Variants in RPS18 observed in about 807,000 individuals in gnomAD.
RPS18 encodes the protein ribosomal protein S18, also known as small ribosomal subunit protein uS13.
For synonymous variants in RPS18, 64 were observed against 70.9 expected (o/e 0.90, Z 0.49); for missense variants, 49 against 200.8 (o/e 0.24, Z 4.57).
intron 2 of RPS18, chr6:33,275,510 G>T (rs1765568925): frequency 4.8e-6 from 2 of 417,940 alleles, no homozygotes; most frequent in East Asian, 4.8e-5. Context: ...TAGAGACAGG[G>T]TTTCACCATG....
At chr6:33,272,331 C>T (rs1765257924) in intron 1 of RPS18, 2 of 637,630 alleles carry the variant, frequency 3.1e-6, no homozygotes, top group Admixed American at 2.8e-5. Context: ...CGAAAGCTGT[C>T]TAAGGCTTGG....
At chr6:33,273,980 CAG>C (rs1000874094) in intron 2 of RPS18, among the ~76,000 whole-genome samples, 1 of 152,238 alleles carries the variant, frequency 6.6e-6, no homozygotes, top group African/African-American at 2.4e-5. Flanking sequence ...TATCCCGAGA[CAG>C]AGTCTCACCC....
chr6:33,275,646 A>G, intron 2 of RPS18, 151 bp from the exon 3 acceptor site: 5 of 704,554 alleles, frequency 7.1e-6, no homozygotes, highest in Middle Eastern at 4.1e-4. Flanking sequence ...CGAACGGTTT[A>G]TATCTGGAAA....
intron 2 of RPS18, among the ~76,000 whole-genome samples, chr6:33,273,575 G>T (rs1238840112): frequency 6.6e-6 from 1 of 152,156 alleles, no homozygotes; most frequent in Admixed American, 6.5e-5. Context: ...AATTCCTTCT[G>T]TTGGGTGCTC....
chr6:33,272,478 T>C (rs1765275701), intron 1 of RPS18, 150 bp from the exon 2 acceptor site: 2 of 702,706 alleles, frequency 2.8e-6, no homozygotes, highest in Non-Finnish European at 5.3e-6. Flanking sequence ...GAGTTTGCTC[T>C]GTGGTGTGAA....
chr6:33,272,165 C>T (rs763727655), intron 1 of RPS18, 43 bp downstream of exon 1: 7 of 1,553,890 alleles, frequency 4.5e-6, no homozygotes, highest in Non-Finnish European at 1.7e-6. Flanking sequence ...CATCGCAGCT[C>T]GGGCAAGGAA....
chr6:33,275,677 C>T, intron 2 of RPS18, 120 bp from the exon 3 acceptor site: 1 of 760,134 alleles, frequency 1.3e-6, no homozygotes. Flanking sequence ...GAAAGGGTGA[C>T]CTAGGGGATT....
intron 2 of RPS18, among the ~76,000 whole-genome samples, chr6:33,273,092 T>C (rs1358316793): frequency 6.6e-6 from 1 of 152,162 alleles, no homozygotes; most frequent in Non-Finnish European, 1.5e-5. Context: ...TCCTGCGAAA[T>C]TTATATTCCC....
At chr6:33,274,088 T>A (rs984399773) in intron 2 of RPS18, among the ~76,000 whole-genome samples, 1 of 152,164 alleles carries the variant, frequency 6.6e-6, no homozygotes, top group East Asian at 1.9e-4. Context: ...CAGCTAATTT[T>A]TGTATTTTTA....
At chr6:33,272,210 T>C in intron 1 of RPS18, 88 bp downstream of exon 1, 2 of 1,433,728 alleles carry the variant, frequency 1.4e-6, no homozygotes, top group Non-Finnish European at 1.9e-6. Flanking sequence ...CGTCCTGCCC[T>C]GAGGGCCTGC....
At chr6:33,276,357 G>A in intron 5 of RPS18, 34 bp from the exon 6 acceptor site, 2 of 1,611,296 alleles carry the variant, frequency 1.2e-6, no homozygotes, top group African/African-American at 1.3e-5. Flanking sequence ...TTTCTGCTGT[G>A]CATGACCTGT....
At chr6:33,272,465 G>C in intron 1 of RPS18, 163 bp from the exon 2 acceptor site, 1 of 679,252 alleles carries the variant, frequency 1.5e-6, no homozygotes, top group South Asian at 1.6e-5. Flanking sequence ...CTGCAGGACT[G>C]AGGAGTTTGC....
chr6:33,275,903 C>G lies in RPS18; in HGVS notation c.189+20C>G, dbSNP rs780421094. 2 of 1,602,068 alleles carry G rather than the reference C, an allele frequency of 1.2e-6. No individual in the cohort carries two copies. Among genetic ancestry groups the G allele is most frequent in the Non-Finnish European group, 1.7e-6 (2 of 1,169,378 alleles). The stretch of plus-strand genomic sequence containing the variant: ...GATGAGGTGAGGACAAGGAAGGGGG[C>G]TGGGGGTGGGGTCAGCCTCAGAAAG... On this transcript the variant is annotated intron_variant, in intron 3 of 5. Coordinates refer to ENST00000439602, the MANE Select transcript of RPS18 (RefSeq NM_022551.3).
chr6:33,275,634 G>A, intron 2 of RPS18, 163 bp from the exon 3 acceptor site: 1 of 674,828 alleles, frequency 1.5e-6, no homozygotes, highest in Non-Finnish European at 2.7e-6. Flanking sequence ...TTAACCTTCT[G>A]TCGAACGGTT....
In RPS18 at chr6:33,275,807, G is replaced by A. The variant is rs1286467908; in HGVS notation, c.113G>A (p.Arg38Gln). Residue 38 changes from arginine to glutamine, a missense_variant, in exon 3 of 6, where the codon CGA becomes CAA. Transcript: ENST00000439602. ...FAITAIKGVGRRYAHVVLRKA... is the reference protein window; with the variant it reads ...FAITAIKGVGQRYAHVVLRKA... ...CCTCACTTCATTCAGGGTGTGGGCC[G>A]AAGATATGCTCATGTGGTGTTGAGG... 5 of 1,610,292 alleles carry A rather than the reference G, an allele frequency of 3.1e-6. No homozygotes were observed. Among genetic ancestry groups the A allele is most frequent in the East Asian group, 2.2e-5 (1 of 44,872 alleles).
chr6:33,272,247 C>T, intron 1 of RPS18, 125 bp downstream of exon 1: 1 of 1,116,910 alleles, frequency 9.0e-7, no homozygotes, highest in East Asian at 2.6e-5. Context: ...CCTTGGATCG[C>T]GTCCCTGGAA....
intron 2 of RPS18, 63 bp from the exon 3 acceptor site, chr6:33,275,734 A>G (rs1041922114): frequency 3.8e-6 from 4 of 1,055,740 alleles, no homozygotes; most frequent in Non-Finnish European, 5.9e-6. Context: ...TTTTTGAATG[A>G]GGCTATAAAG....
At chr6:33,275,190 G>C (rs1765543094) in intron 2 of RPS18, 1 of 154,298 alleles carries the variant, frequency 6.5e-6, no homozygotes, top group African/African-American at 2.4e-5. Flanking sequence ...CTAAATGCAA[G>C]AATCAGAAGG....
At chr6:33,273,734 A>C (rs1349166386) in intron 2 of RPS18, among the ~76,000 whole-genome samples, 3 of 152,180 alleles carry the variant, frequency 2.0e-5, no homozygotes, top group African/African-American at 4.8e-5. Context: ...TTTCATCTAT[A>C]TCTCTTCCCA....
Sources: gnomAD v4.1 joint callset for allele counts (sites outside exome capture counted in the v4.1 genomes callset) on GRCh38, gnomAD v4.1.1 for gene constraint, MANE v1.5 for transcripts, NCBI Gene and HGNC (gene_info 2026-07-23, HGNC 2026-07-21) for gene names.